The following HCN1 variants were observed in gnomAD, a reference collection of about 807,000 sequenced individuals.
HCN1 encodes hyperpolarization activated cyclic nucleotide gated potassium channel 1.
Under a neutral mutation model 78.9 loss-of-function variants are expected in HCN1, and 13 were observed. The observed-to-expected ratio is 0.16, with a 90% CI of 0.11 to 0.26. The LOEUF (loss-of-function observed/expected upper bound fraction) is 0.26, where lower values mean the gene tolerates loss of function less well. Among genes scored for constraint, HCN1 ranks in the 10% least tolerant of loss-of-function variants. HCN1 has a pLI of 1.00. For missense variants in HCN1, 810 were observed against 1,154.3 expected (o/e 0.70, Z 4.32); for synonymous variants, 552 against 455.5 (o/e 1.21, Z -2.70).
chr5:45,450,739 A>G (rs1242919667), intron 3 of HCN1, among the ~76,000 whole-genome samples: 2 of 152,176 alleles, frequency 1.3e-5, no homozygotes, highest in Admixed American at 1.3e-4. Context: ...TACTTCCTGG[A>G]CAAGAAATAA....
At chr5:45,611,197 C>T (rs767539280) in intron 2 of HCN1, among the ~76,000 whole-genome samples, 9 of 150,730 alleles carry the variant, frequency 6.0e-5, no homozygotes, top group Non-Finnish European at 1.3e-4. Context: ...ACAACAGGGA[C>T]GCATCACCAC....
intron 2 of HCN1, among the ~76,000 whole-genome samples, chr5:45,625,844 T>C (rs1656974504): frequency 6.6e-6 from 1 of 152,166 alleles, no homozygotes; most frequent in Admixed American, 6.5e-5. Flanking sequence ...CATTGTCTTA[T>C]TAGGACACTA....
Position 45,308,113 on chromosome 5 carries a change from C to A in HCN1, c.1378-4274G>T, listed in dbSNP as rs142933461. ...CTCACTCTATTAGTTTTCATGAGATCTGATTGCTAAAAGGTGTCTGGCACC... is the reference window on the plus strand; with the variant it reads ...CTCACTCTATTAGTTTTCATGAGATATGATTGCTAAAAGGTGTCTGGCACC... On this transcript the variant is annotated intron_variant, in intron 5 of 7. Coordinates refer to ENST00000303230, the MANE Select transcript of HCN1 (RefSeq NM_021072.4). Among the ~76,000 whole-genome samples, 100 of 152,142 alleles carry A rather than the reference C, an allele frequency of 6.6e-4. 1 individual carries two copies. In the East Asian group the frequency reaches 0.012, roughly 18 times the overall value.
Position 45,496,540 on chromosome 5 carries a change from C to T in HCN1, c.850-34533G>A, listed in dbSNP as rs547445915. 9.0e-4 allele frequency among the ~76,000 whole-genome samples: 137 copies of T among 152,268 alleles called. 1 individual carries two copies. Among genetic ancestry groups the T allele is most frequent in the African/African-American group, 3.2e-3 (132 of 41,554 alleles). On this transcript the variant is annotated intron_variant, in intron 2 of 7. Coordinates refer to ENST00000303230, the MANE Select transcript of HCN1 (RefSeq NM_021072.4). ...GTAAGCTATTGTATTTCTGTGGGAT[C>T]GGTGGTGATATCCCCTTTACCATTT...
intron 4 of HCN1, among the ~76,000 whole-genome samples, chr5:45,363,639 C>T (rs1747169425): frequency 6.6e-6 from 1 of 151,930 alleles, no homozygotes; most frequent in Admixed American, 6.6e-5. Context: ...TCTCAGAATT[C>T]CCATATGTTG....
intron 4 of HCN1, among the ~76,000 whole-genome samples, chr5:45,379,993 T>G (rs919245107): frequency 4.6e-5 from 7 of 152,110 alleles, no homozygotes; most frequent in Middle Eastern, 3.4e-3. Flanking sequence ...ATATATTAAG[T>G]AAATAAGAGA....
At chr5:45,457,461 T>A (rs928325125) in intron 3 of HCN1, among the ~76,000 whole-genome samples, 2 of 152,174 alleles carry the variant, frequency 1.3e-5, no homozygotes, top group Non-Finnish European at 2.9e-5. Flanking sequence ...GATAGAATTA[T>A]ATAATTCAGA....
chr5:45,428,309 T>C (rs1740391633), intron 3 of HCN1, among the ~76,000 whole-genome samples: 1 of 152,052 alleles, frequency 6.6e-6, no homozygotes, highest in African/African-American at 2.4e-5. Context: ...CTTCTAGGAG[T>C]TCAGTTCTCC....
intron 4 of HCN1, among the ~76,000 whole-genome samples, chr5:45,355,439 T>C (rs1360439190): frequency 6.6e-6 from 1 of 151,974 alleles, no homozygotes; most frequent in African/African-American, 2.4e-5. Context: ...GACACAGCAG[T>C]ATGTGTTTTA....
chr5:45,468,841 T>G (rs968584206), intron 2 of HCN1, among the ~76,000 whole-genome samples: 1 of 152,110 alleles, frequency 6.6e-6, no homozygotes, highest in Non-Finnish European at 1.5e-5. Flanking sequence ...CAATGCCTGG[T>G]GGCACAGAGC....
chr5:45,538,883 T>G lies in HCN1; in HGVS notation c.850-76876A>C, dbSNP rs1015260163. 1.4e-4 allele frequency among the ~76,000 whole-genome samples: 22 copies of G among 152,308 alleles called. No individual in the cohort carries two copies. In the East Asian group the frequency reaches 4.3e-3, roughly 29 times the overall value. ...TGGTCCTGGAGTGATTTGCTCCAAT[T>G]GCTAGTTTCCAGGTTTCAGGTACTG... On this transcript the variant is annotated intron_variant, in intron 2 of 7. Transcript: ENST00000303230.
At chr5:45,651,947 A>C (rs1224247738) in intron 1 of HCN1, among the ~76,000 whole-genome samples, 1 of 151,984 alleles carries the variant, frequency 6.6e-6, no homozygotes, top group Non-Finnish European at 1.5e-5. Flanking sequence ...TATCTGAGGG[A>C]AAGTTTAGCC....
At chr5:45,630,372 T>C (rs1214349060) in intron 2 of HCN1, among the ~76,000 whole-genome samples, 1 of 152,176 alleles carries the variant, frequency 6.6e-6, no homozygotes, top group Non-Finnish European at 1.5e-5. Context: ...CTCAATTTCT[T>C]CACTTTTTTA....
intron 1 of HCN1, among the ~76,000 whole-genome samples, chr5:45,654,411 A>T (rs1010119221): frequency 6.6e-6 from 1 of 152,166 alleles, no homozygotes; most frequent in Admixed American, 6.6e-5. Flanking sequence ...ACTACTCCTT[A>T]ACTTCTAAGT....
intron 2 of HCN1, among the ~76,000 whole-genome samples, chr5:45,534,284 C>A (rs1742919095): frequency 6.6e-6 from 1 of 151,260 alleles, no homozygotes; most frequent in East Asian, 2.0e-4. Flanking sequence ...ATAGTCCCAG[C>A]TACTCGGAGG....
At chr5:45,344,043 C>A (rs1184513073) in intron 5 of HCN1, among the ~76,000 whole-genome samples, 1 of 152,022 alleles carries the variant, frequency 6.6e-6, no homozygotes, top group East Asian at 1.9e-4. Context: ...TTATTTGACT[C>A]ACAGTTCAGC....
chr5:45,672,754 T>C (rs1746176012), intron 1 of HCN1, among the ~76,000 whole-genome samples: 1 of 151,484 alleles, frequency 6.6e-6, no homozygotes, highest in South Asian at 2.1e-4. Flanking sequence ...ACCTATGTTC[T>C]CTGAGTCCTT....
At position 45,695,892 on chromosome 5, in the gene HCN1, C is replaced by T; in HGVS notation, c.202G>A (p.Gly68Ser). ...TCCTCGCCGCCGCCGCCGCCGCCGCCACCGCCGCCACCGCCGTCCACCTTG... is the reference window on the plus strand; with the variant it reads ...TCCTCGCCGCCGCCGCCGCCGCCGCTACCGCCGCCACCGCCGTCCACCTTG... Reference protein sequence around the residue: ...CFKVDGGGGGGGGGGGGEEPA... With the variant: ...CFKVDGGGGGSGGGGGGEEPA... Residue 68 changes from glycine (G) to serine (S), a missense_variant, in exon 1 of 8, where the codon GGC (glycine) becomes AGC (serine). By Grantham distance (56) the Gly-to-Ser change is moderately conservative (BLOSUM62 0). This residue lies in a region of HCN1 where 170 missense variants were observed against 166.8 expected (regional missense o/e 1.02). Coordinates refer to ENST00000303230, the MANE Select transcript of HCN1 (RefSeq NM_021072.4). The T allele has an allele frequency of 6.9e-7, 1 of 1,449,654 alleles. No individual in the cohort carries two copies. The highest frequency in any genetic ancestry group is 2.2e-5 in the Admixed American group (1 of 44,460). The allele number at this position is 1,449,654 out of a possible 1,614,324, so 89.8% of individuals were successfully genotyped here.
chr5:45,301,648 C>T (rs1745623862), intron 6 of HCN1, among the ~76,000 whole-genome samples: 1 of 148,060 alleles, frequency 6.8e-6, no homozygotes, highest in Admixed American at 6.8e-5. Context: ...CTTGAGCCTG[C>T]AGAGCAAGGT....
Sources: allele counts gnomAD v4.1 joint callset (sites outside exome capture counted in the v4.1 genomes callset), GRCh38; gene constraint gnomAD v4.1.1; regional missense constraint gnomAD v4.1.1; transcripts MANE v1.5; gene names NCBI Gene and HGNC (gene_info 2026-07-23, HGNC 2026-07-21).